MAGI2: variants seen among roughly 807,000 people sequenced by gnomAD.
MAGI2 encodes membrane associated guanylate kinase, WW and PDZ domain containing 2.
MAGI2 carries 35 observed loss-of-function variants against 133.3 expected under a neutral mutation model. That is an observed-to-expected ratio of 0.26 (90% CI 0.20 to 0.35). The LOEUF (loss-of-function observed/expected upper bound fraction) is 0.35. MAGI2 is among the 10% of genes least tolerant of loss of function. MAGI2 has a pLI of 1.00. For missense variants in MAGI2, 1,636 were observed against 1,863.4 expected, an observed-to-expected ratio of 0.88 and a Z score of 2.25; for synonymous variants, 729 against 710.6, an observed-to-expected ratio of 1.03 and a Z score of -0.41.
At chr7:78,371,330 TTTA>T (rs1483322373) in intron 6 of MAGI2, among the ~76,000 whole-genome samples, 1 of 151,856 alleles carries the variant, frequency 6.6e-6, no homozygotes, top group African/African-American at 2.4e-5. Flanking sequence ...ATTATGGATA[TTTA>T]TTATTAATTT....
chr7:79,109,893 T>C (rs1201190112), intron 1 of MAGI2, among the ~76,000 whole-genome samples: 1 of 151,514 alleles, frequency 6.6e-6, no homozygotes, highest in East Asian at 2.0e-4. Context: ...ACTACCAGTA[T>C]GATCACAAAG....
chr7:78,044,719 G>T (rs1344136427), intron 21 of MAGI2, among the ~76,000 whole-genome samples: 1 of 148,254 alleles, frequency 6.7e-6, no homozygotes, highest in Non-Finnish European at 1.5e-5. Context: ...GTGTGCACAC[G>T]CAGTTGGCTC....
chr7:78,127,071 A>G (rs371034875), intron 19 of MAGI2, 126 bp downstream of exon 19: 10 of 686,026 alleles, frequency 1.5e-5, no homozygotes, highest in African/African-American at 5.5e-5. Context: ...ATGTTACCAG[A>G]ACTAGGAATA....
At chr7:78,833,303 C>T (rs993544247) in intron 2 of MAGI2, among the ~76,000 whole-genome samples, 1 of 152,128 alleles carries the variant, frequency 6.6e-6, no homozygotes, top group Non-Finnish European at 1.5e-5. Context: ...ACCATCTCAC[C>T]TCATAATCAA....
In MAGI2 at chr7:79,453,634, G is replaced by A; in HGVS notation, c.-314C>T. 4.3e-6 allele frequency: 4 copies of A among 941,094 alleles called. No individual in the cohort carries two copies. Among genetic ancestry groups the A allele is most frequent in the African/African-American group, 1.7e-5 (1 of 57,770 alleles). 58.3% of individuals were successfully genotyped at this position (941,094 alleles called of 1,614,324 possible). On this transcript the variant is annotated 5_prime_UTR_variant, in exon 1 of 22. Transcript: ENST00000354212. ...GTCGGCGGCGGCGGCGGCGGCAGCC[G>A]GAGCGAGCAGTAGCCGAGCTGGTGA...
intron 16 of MAGI2, among the ~76,000 whole-genome samples, chr7:78,141,342 A>C: frequency 6.6e-6 from 1 of 152,078 alleles, no homozygotes; most frequent in Non-Finnish European, 1.5e-5. Context: ...GCATAATATT[A>C]ATCTTGCTTA....
chr7:79,081,210 C>T (rs1816006512), intron 1 of MAGI2, among the ~76,000 whole-genome samples: 1 of 152,118 alleles, frequency 6.6e-6, no homozygotes, highest in Admixed American at 6.6e-5. Context: ...CTTACTCCTA[C>T]CCTGTCTCTG....
At chr7:79,366,336 C>A (rs1174734747) in intron 1 of MAGI2, among the ~76,000 whole-genome samples, 1 of 151,972 alleles carries the variant, frequency 6.6e-6, no homozygotes, top group Non-Finnish European at 1.5e-5. Context: ...TTTGAAATAA[C>A]AACATTTTCA....
chr7:78,954,523 T>G (rs968687182), intron 2 of MAGI2, among the ~76,000 whole-genome samples: 3 of 152,162 alleles, frequency 2.0e-5, no homozygotes, highest in Non-Finnish European at 4.4e-5. Flanking sequence ...AGTCTTCTGA[T>G]AAAATATGTC....
At chr7:78,258,309 T>A (rs917045835) in intron 9 of MAGI2, among the ~76,000 whole-genome samples, 2 of 152,234 alleles carry the variant, frequency 1.3e-5, no homozygotes, top group Non-Finnish European at 2.9e-5. Flanking sequence ...TTGATTCCAT[T>A]CATCTCAGTG....
At chr7:78,794,795 A>G (rs1306643942) in intron 2 of MAGI2, among the ~76,000 whole-genome samples, 10 of 152,198 alleles carry the variant, frequency 6.6e-5, no homozygotes, top group Non-Finnish European at 2.9e-5. Context: ...CACTGAAACT[A>G]TTGGAAATGA....
chr7:78,302,091 T>C (rs2151075177), intron 9 of MAGI2, among the ~76,000 whole-genome samples: 1 of 152,360 alleles, frequency 6.6e-6, no homozygotes, highest in Admixed American at 6.5e-5. Context: ...ACATTTATAT[T>C]TTGATCATTA....
At chr7:78,994,641 G>C (rs1292764971) in intron 2 of MAGI2, among the ~76,000 whole-genome samples, 1 of 152,074 alleles carries the variant, frequency 6.6e-6, no homozygotes, top group Non-Finnish European at 1.5e-5. Context: ...ATAGGCATCA[G>C]ATAGACCTAG....
At chr7:78,641,520 CT>C (rs758701908) in intron 2 of MAGI2, among the ~76,000 whole-genome samples, 22 of 152,172 alleles carry the variant, frequency 1.4e-4, no homozygotes, top group Non-Finnish European at 2.5e-4. Flanking sequence ...TTGCCCACCC[CT>C]ACATTAGGTT....
At chr7:78,256,672 G>A in intron 9 of MAGI2, 91 bp from the exon 10 acceptor site, 1 of 1,079,186 alleles carries the variant, frequency 9.3e-7, no homozygotes, top group East Asian at 2.4e-5. Flanking sequence ...AGTGAGAGGT[G>A]TTGTTTCTTA....
At chr7:79,164,624 T>G (rs1824744174) in intron 1 of MAGI2, among the ~76,000 whole-genome samples, 1 of 152,022 alleles carries the variant, frequency 6.6e-6, no homozygotes, top group Non-Finnish European at 1.5e-5. Context: ...TCCTTTTTTT[T>G]GATCCCAGGT....
At chr7:78,252,956 A>G (rs1024434753) in intron 10 of MAGI2, 1 of 149,056 alleles carries the variant, frequency 6.7e-6, no homozygotes, top group Admixed American at 6.7e-5. Context: ...AAAAAAAAAA[A>G]AAAACAATGG....
intron 2 of MAGI2, among the ~76,000 whole-genome samples, chr7:78,870,588 A>G (rs477641): frequency 0.15 from 23,032 of 152,168 alleles, 1,987 homozygotes; most frequent in Non-Finnish European, 0.2. Flanking sequence ...GAACACTTTT[A>G]CATTGCTGGT....
chr7:79,443,745 A>T (rs1848652439), intron 1 of MAGI2, among the ~76,000 whole-genome samples: 1 of 152,258 alleles, frequency 6.6e-6, no homozygotes, highest in African/African-American at 2.4e-5. Context: ...ATCCATGGCA[A>T]TATAAATAAT....
Sources: gnomAD v4.1 joint callset for allele counts (sites outside exome capture counted in the v4.1 genomes callset) on GRCh38, gnomAD v4.1.1 for gene constraint, MANE v1.5 for transcripts, NCBI Gene and HGNC (gene_info 2026-07-23, HGNC 2026-07-21) for gene names.